LRGUK: variants seen among roughly 807,000 people sequenced by gnomAD.
The protein encoded by LRGUK is leucine rich repeats and guanylate kinase domain containing.
LRGUK carries 65 observed loss-of-function variants against 76.0 expected under a neutral mutation model. That is an observed-to-expected ratio of 0.85 (90% CI 0.70 to 1.05). LRGUK has a LOEUF of 1.05. Among genes scored for constraint, LRGUK ranks in the 50% least tolerant of loss-of-function variants. The pLI is 0.00. For missense variants in LRGUK, 758 were observed against 732.8 expected, an observed-to-expected ratio of 1.03 and a Z score of -0.40; for synonymous variants, 268 against 265.6, an observed-to-expected ratio of 1.01 and a Z score of -0.09.
intron 5 of LRGUK, among the ~76,000 whole-genome samples, chr7:134,149,875 T>C (rs893171347): frequency 3.9e-5 from 6 of 152,042 alleles, no homozygotes; most frequent in African/African-American, 1.4e-4. Flanking sequence ...TGGAACTTCA[T>C]AGAAATGCAG....
At chr7:134,145,401 C>G (rs1797927266) in intron 4 of LRGUK, among the ~76,000 whole-genome samples, 1 of 152,110 alleles carries the variant, frequency 6.6e-6, no homozygotes, top group Non-Finnish European at 1.5e-5. Flanking sequence ...GCATAAGCCA[C>G]TACACCTGGC....
rs576783590 is a variant in LRGUK at position 134,196,115 on chromosome 7, T to A, written c.1432-877T>A. On this transcript the variant is annotated intron_variant, in intron 12 of 15. Transcript: ENST00000645682. ...GGATTCAATGCAGCCCTGGAAGTTT[T>A]CACTTCATTGTTTATTTCAAAATCA... Among the ~76,000 whole-genome samples, 221 of 152,312 alleles carry A rather than the reference T, an allele frequency of 1.5e-3. 6 individuals are homozygous for A. In the South Asian group the frequency reaches 0.044, roughly 30 times the overall value.
chr7:134,227,653 G>T lies in LRGUK; in HGVS notation c.1983+5735G>T, dbSNP rs372092704. Among the ~76,000 whole-genome samples, 34 of 152,226 alleles carry T rather than the reference G, an allele frequency of 2.2e-4. No individual in the cohort carries two copies. The South Asian group carries it at 7.1e-3, about 32-fold the overall frequency. On this transcript the variant is annotated intron_variant, in intron 16 of 19. Coordinates refer to the LRGUK transcript ENST00000285928. ...ATCAAAGCAAGACTTTAATGTGACT[G>T]CATTTATAATGGCCAAGATATAAGA...
intron 11 of LRGUK, among the ~76,000 whole-genome samples, chr7:134,189,689 C>T (rs1800120227): frequency 6.6e-6 from 1 of 152,160 alleles, no homozygotes; most frequent in Non-Finnish European, 1.5e-5. Flanking sequence ...GGGTTTGCTG[C>T]AAGGGTGCCA....
Position 134,255,493 on chromosome 7 carries a change from A to T in LRGUK, c.2199-2764A>T, listed in dbSNP as rs1189715010. Among the ~76,000 whole-genome samples the T allele has an allele frequency of 2.0e-5, 3 of 152,156 alleles. No homozygotes were observed. The South Asian group carries it at 6.2e-4, about 32-fold the overall frequency. ...AGGAAGAAGACATGTATAGAGAAACACCAATGACACAGGCACGTCTGTGAT... is the reference window on the plus strand; with the variant it reads ...AGGAAGAAGACATGTATAGAGAAACTCCAATGACACAGGCACGTCTGTGAT... On this transcript the variant is annotated intron_variant, in intron 18 of 19. Transcript: ENST00000285928.
chr7:134,239,874 C>T lies in LRGUK; in HGVS notation c.1984-7682C>T, dbSNP rs192196245. On this transcript the variant is annotated intron_variant, in intron 16 of 19. Transcript: ENST00000285928. ...AGCTTCCAGAGGAAGGATTAGGCAG[C>T]AACATCTGCTGTTCTGCAATAGTTG... Among the ~76,000 whole-genome samples, 518 of 152,330 alleles carry T rather than the reference C, an allele frequency of 3.4e-3. 2 individuals are homozygous for T. The highest frequency in any genetic ancestry group is 0.017 in the Middle Eastern group (5 of 294).
intron 16 of LRGUK, among the ~76,000 whole-genome samples, chr7:134,223,280 A>G (rs957231788): frequency 1.3e-5 from 2 of 151,990 alleles, no homozygotes; most frequent in Non-Finnish European, 2.9e-5. Flanking sequence ...CATCTCTTTA[A>G]TTCAAGTCGC....
intron 6 of LRGUK, among the ~76,000 whole-genome samples, chr7:134,161,009 A>G (rs1042318854): frequency 2.0e-5 from 3 of 152,272 alleles, no homozygotes; most frequent in East Asian, 3.9e-4. Context: ...ATGACATGAC[A>G]GTAGGCTATC....
rs117164649 is a variant in LRGUK at position 134,132,385 on chromosome 7, G to T, written c.298-4638G>T. ...AATAAAAAAAAAAGAAGATGGGAAT[G>T]GGTTACGCTACAAATAGGTTAAGTG... On this transcript the variant is annotated intron_variant, in intron 1 of 15. Transcript: ENST00000645682. 1.1e-3 allele frequency among the ~76,000 whole-genome samples: 173 copies of T among 152,136 alleles called. No individual in the cohort carries two copies. In the East Asian group the frequency reaches 0.013, roughly 11 times the overall value.
In LRGUK at chr7:134,198,384, A is replaced by G. The variant is rs149565908; in HGVS notation, c.1546-836A>G. On this transcript the variant is annotated intron_variant, in intron 13 of 15. Coordinates refer to ENST00000645682, the Ensembl canonical transcript of LRGUK. Reference sequence around the variant, plus strand: ...TTCCAGGAGGTTGAGTCTATAATCCATGCTTGATTCCCCTGATTCTCCCCA... The same window carrying G: ...TTCCAGGAGGTTGAGTCTATAATCCGTGCTTGATTCCCCTGATTCTCCCCA... 3.1e-4 allele frequency among the ~76,000 whole-genome samples: 47 copies of G among 152,238 alleles called. 1 individual carries two copies. In the East Asian group the frequency reaches 8.7e-3, roughly 28 times the overall value.
Position 134,127,441 on chromosome 7 carries a change from C to T in LRGUK, c.74C>T (p.Thr25Ile), listed in dbSNP as rs774585036. ...CTGAGAGGCTTGGGCAGATCCCGAA[C>T]TGGAGCCCGATCGTTACAGTTTCGC... The change falls in exon 1 of 16, where the codon ACT becomes ATT. Residue 25 changes from threonine (T) to isoleucine (I), a missense_variant. Transcript: ENST00000645682. 6.2e-6 allele frequency: 10 copies of T among 1,614,066 alleles called. No homozygotes were observed. The East Asian group carries it at 2.2e-4, about 36-fold the overall frequency.
intron 16 of LRGUK, among the ~76,000 whole-genome samples, chr7:134,230,467 C>T (rs1801864754): frequency 6.6e-6 from 1 of 152,142 alleles, no homozygotes; most frequent in Non-Finnish European, 1.5e-5. Flanking sequence ...TACCCTACAC[C>T]TCAACCGTGG....
intron 19 of LRGUK, among the ~76,000 whole-genome samples, chr7:134,260,294 T>G (rs1802690211): frequency 6.6e-6 from 1 of 152,182 alleles, no homozygotes; most frequent in African/African-American, 2.4e-5. Context: ...GCTAGATACC[T>G]GCTAGATATT....
At chr7:134,148,056 C>G (rs1179056899) in intron 4 of LRGUK, among the ~76,000 whole-genome samples, 182 bp from the exon 5 acceptor site, 1 of 49,804 alleles carries the variant, frequency 2.0e-5, no homozygotes, top group East Asian at 5.9e-4. Context: ...AGCAAGACTC[C>G]TTTTCAAAAA....
rs181388380 is a variant in LRGUK, at chr7:134,234,267, C to T, written c.1983+12349C>T. On this transcript the variant is annotated intron_variant, in intron 16 of 19. Transcript: ENST00000285928. ...CAGATACCACAGTCTGCTGCAGTTT[C>T]CCAGTCTCTTGGTGATGTCACACAC... Among the ~76,000 whole-genome samples the T allele has an allele frequency of 6.7e-4, 102 of 152,148 alleles. 1 individual carries two copies. Among genetic ancestry groups the T allele is most frequent in the African/African-American group, 2.3e-3 (97 of 41,508 alleles).
At chr7:134,150,144 G>A (rs920608251) in intron 5 of LRGUK, among the ~76,000 whole-genome samples, 62 of 152,038 alleles carry the variant, frequency 4.1e-4, no homozygotes, top group Middle Eastern at 6.8e-3. Context: ...GCGTGGTGGC[G>A]GGCACCTGTA....
intron 14 of LRGUK, among the ~76,000 whole-genome samples, chr7:134,199,951 T>C (rs1425451355): frequency 7.1e-5 from 10 of 140,522 alleles, no homozygotes; most frequent in African/African-American, 2.3e-4. Context: ...TTTACACATA[T>C]AAAATTTCTA....
In LRGUK at chr7:134,136,078, T is replaced by A. The variant is rs993121398; in HGVS notation, c.298-945T>A. The stretch of plus-strand genomic sequence containing the variant: ...GAAAAAGGGTATTTTGCCATGGTTA[T>A]CTATATGCTAGTCATGGCTAGTTAT... On this transcript the variant is annotated intron_variant, in intron 1 of 15. Transcript: ENST00000645682. 3.3e-5 allele frequency among the ~76,000 whole-genome samples: 5 copies of A among 152,234 alleles called. No individual in the cohort carries two copies. The East Asian group carries it at 9.6e-4, about 29-fold the overall frequency.
At chr7:134,263,623 CTTTTTT>C (rs59840547) in intron 19 of LRGUK, among the ~76,000 whole-genome samples, 9 of 114,006 alleles carry the variant, frequency 7.9e-5, no homozygotes, top group African/African-American at 2.6e-4. Context: ...TCATTTCTTT[CTTTTTT>C]TTTTTTTTTT....
Sources: allele counts gnomAD v4.1 joint callset (sites outside exome capture counted in the v4.1 genomes callset), GRCh38; gene constraint gnomAD v4.1.1; transcripts MANE v1.5; gene names NCBI Gene and HGNC (gene_info 2026-07-23, HGNC 2026-07-21).